The following ERC2 variants were observed in gnomAD, a reference collection of about 807,000 sequenced individuals.
The protein encoded by ERC2 is ERC protein 2.
In ERC2, 42 loss-of-function variants were observed where a neutral mutation model predicts 114.8. That is an observed-to-expected ratio of 0.37 (90% CI 0.29 to 0.47). The LOEUF is 0.47. ERC2 is among the 20% of genes least tolerant of loss of function. The pLI, the probability that ERC2 is intolerant of heterozygous loss-of-function variation, is 0.99. For synonymous variants in ERC2, 454 were observed against 425.5 expected, an observed-to-expected ratio of 1.07 and a Z score of -0.82; for missense variants, 939 against 1,150.7, an observed-to-expected ratio of 0.82 and a Z score of 2.66.
At chr3:55,781,097 C>G (rs542153095) in intron 14 of ERC2, among the ~76,000 whole-genome samples, 35 of 152,228 alleles carry the variant, frequency 2.3e-4, no homozygotes, top group African/African-American at 7.7e-4. Flanking sequence ...GCCCAAAACT[C>G]TGTGTGAGAC....
At chr3:55,774,554 C>T (rs958687857) in intron 14 of ERC2, among the ~76,000 whole-genome samples, 1 of 152,234 alleles carries the variant, frequency 6.6e-6, no homozygotes, top group Non-Finnish European at 1.5e-5. Flanking sequence ...ACCTGGTTTA[C>T]AAAAGGAGGC....
intron 17 of ERC2, among the ~76,000 whole-genome samples, chr3:55,624,296 C>A (rs2059426408): frequency 6.6e-6 from 1 of 152,166 alleles, no homozygotes; most frequent in African/African-American, 2.4e-5. Flanking sequence ...CAGGGGGGCC[C>A]ATGCGGGAGG....
At chr3:55,875,032 G>C (rs943750884) in intron 14 of ERC2, among the ~76,000 whole-genome samples, 2 of 152,122 alleles carry the variant, frequency 1.3e-5, no homozygotes, top group African/African-American at 4.8e-5. Context: ...CCCAGAGTCA[G>C]CCAGCAAGGG....
At chr3:56,311,222 T>G (rs1160280634) in intron 2 of ERC2, among the ~76,000 whole-genome samples, 2 of 136,010 alleles carry the variant, frequency 1.5e-5, no homozygotes, top group African/African-American at 2.9e-5. Flanking sequence ...TCTTGGGATA[T>G]CCATCATCTT....
At chr3:56,407,050 G>A (rs2060755579) in intron 2 of ERC2, among the ~76,000 whole-genome samples, 1 of 152,062 alleles carries the variant, frequency 6.6e-6, no homozygotes, top group Non-Finnish European at 1.5e-5. Flanking sequence ...AAGACAGACA[G>A]GATAAGTGTC....
intron 14 of ERC2, among the ~76,000 whole-genome samples, chr3:55,878,939 C>T (rs561482245): frequency 2.0e-4 from 30 of 152,236 alleles, no homozygotes; most frequent in African/African-American, 7.2e-4. Flanking sequence ...AAACACATCC[C>T]TGCTTGGCTC....
intron 14 of ERC2, among the ~76,000 whole-genome samples, chr3:55,833,447 C>A (rs2060715612): frequency 1.3e-5 from 2 of 151,840 alleles, no homozygotes; most frequent in African/African-American, 4.8e-5. Context: ...AGAGTGGGGG[C>A]CAATATTCAA....
chr3:55,721,588 T>G (rs2064555485), intron 15 of ERC2, among the ~76,000 whole-genome samples: 1 of 152,224 alleles, frequency 6.6e-6, no homozygotes, highest in Non-Finnish European at 1.5e-5. Context: ...CAAAATGAGC[T>G]GCCCAAGGTT....
In ERC2 at chr3:55,992,184, T is replaced by C. The variant is rs770685872; in HGVS notation, c.2128A>G (p.Lys710Glu). ...EFADQIKQLD[K>E]EASYYRDECG... ...TCGTCGCGGTAGTAAGACGCCTCTT[T>C]ATCGAGCTGTTTTATTTGGTCTGCA... is the stretch of plus-strand genomic sequence containing the variant. The change falls in exon 11 of 18, where the codon AAA becomes GAA. Residue 710 changes from lysine (K) to glutamate (E), a missense_variant. Physicochemically the swap from Lys to Glu is moderately conservative, Grantham distance 56. Transcript: ENST00000288221. The C allele has an allele frequency of 1.2e-6, 2 of 1,613,950 alleles. No individual in the cohort carries two copies. Among genetic ancestry groups the C allele is most frequent in the African/African-American group, 1.3e-5 (1 of 75,044 alleles).
intron 17 of ERC2, among the ~76,000 whole-genome samples, chr3:55,521,933 T>C (rs1016860293): frequency 1.3e-5 from 2 of 152,226 alleles, no homozygotes; most frequent in African/African-American, 4.8e-5. Context: ...AATGTGTTTT[T>C]GTTTAATTTC....
intron 10 of ERC2, among the ~76,000 whole-genome samples, chr3:55,997,333 C>G (rs569678398): frequency 6.6e-6 from 1 of 151,864 alleles, no homozygotes; most frequent in Non-Finnish European, 1.5e-5. Flanking sequence ...CCATTGACAG[C>G]GCTTTAATAT....
intron 7 of ERC2, among the ~76,000 whole-genome samples, chr3:56,039,754 G>A (rs893288967): frequency 7.9e-5 from 12 of 152,086 alleles, no homozygotes; most frequent in African/African-American, 2.9e-4. Flanking sequence ...ATACTACAAA[G>A]CTATAGTAAT....
intron 17 of ERC2, among the ~76,000 whole-genome samples, chr3:55,653,461 G>A (rs1292443684): frequency 1.3e-5 from 2 of 152,048 alleles, no homozygotes; most frequent in Admixed American, 6.6e-5. Flanking sequence ...GCACCACAAA[G>A]CAATGACAGA....
At chr3:56,208,313 TC>T (rs34126230) in intron 3 of ERC2, among the ~76,000 whole-genome samples, 68,660 of 151,576 alleles carry the variant, frequency 0.45, 15,951 homozygotes, top group East Asian at 0.71. Context: ...ATTCTAACAT[TC>T]ATAGAGGGAT....
chr3:56,119,946 A>G lies in ERC2; in HGVS notation c.1473+19563T>C, dbSNP rs530873772. ...CAATTGTGGGAAATAAAAGTACCAA[A>G]GAAAAGACCATCTTAGCAAAAAGGT... On this transcript the variant is annotated intron_variant, in intron 6 of 17. Coordinates refer to ENST00000288221, the MANE Select transcript of ERC2 (RefSeq NM_015576.3). Among the ~76,000 whole-genome samples the G allele has an allele frequency of 7.9e-5, 12 of 152,366 alleles. No individual in the cohort carries two copies. The South Asian group carries it at 2.3e-3, about 29-fold the overall frequency.
intron 3 of ERC2, among the ~76,000 whole-genome samples, chr3:56,288,163 C>G (rs968111569): frequency 1.3e-5 from 2 of 152,194 alleles, no homozygotes; most frequent in African/African-American, 4.8e-5. Context: ...CCCATTGCTG[C>G]AGCTTATGAA....
intron 17 of ERC2, among the ~76,000 whole-genome samples, chr3:55,639,204 G>T (rs2060076865): frequency 6.6e-6 from 1 of 152,186 alleles, no homozygotes; most frequent in Non-Finnish European, 1.5e-5. Context: ...CAGACAGTAT[G>T]AAAATGTGTC....
At chr3:55,836,908 G>A (rs2060914046) in intron 14 of ERC2, among the ~76,000 whole-genome samples, 1 of 152,004 alleles carries the variant, frequency 6.6e-6, no homozygotes, top group Non-Finnish European at 1.5e-5. Flanking sequence ...AAATTTACAA[G>A]AAAAAAACTA....
chr3:56,214,788 T>G (rs1020959880), intron 3 of ERC2, among the ~76,000 whole-genome samples: 2 of 118,670 alleles, frequency 1.7e-5, no homozygotes, highest in African/African-American at 5.6e-5. Context: ...GACTAACAGC[T>G]GAGCTCTCGG....
Sources: allele counts gnomAD v4.1 joint callset (sites outside exome capture counted in the v4.1 genomes callset), GRCh38; gene constraint gnomAD v4.1.1; transcripts MANE v1.5; gene names NCBI Gene and HGNC (gene_info 2026-07-23, HGNC 2026-07-21).